Variants in TRAPPC6B observed in about 807,000 individuals in gnomAD.
TRAPPC6B encodes the protein TRAPP complex subunit 6B.
In TRAPPC6B, 27 loss-of-function variants were observed where a neutral mutation model predicts 24.7. That is an observed-to-expected ratio of 1.09 (90% confidence interval 0.81 to 1.51). TRAPPC6B has a LOEUF of 1.51. Among genes scored for constraint, TRAPPC6B ranks in the 40% most tolerant of loss-of-function variants. The probability of loss-of-function intolerance (pLI) is 0.00; values close to 1 mark genes in which losing one functional copy is unlikely to be tolerated. For synonymous variants in TRAPPC6B, 80 were observed against 66.6 expected, an observed-to-expected ratio of 1.20 and a Z score of -0.98; for missense variants, 212 against 190.8, an observed-to-expected ratio of 1.11 and a Z score of -0.66.
At chr14:39,161,172 G>C (rs996855604) in intron 1 of TRAPPC6B, among the ~76,000 whole-genome samples, 2 of 152,190 alleles carry the variant, frequency 1.3e-5, no homozygotes, top group African/African-American at 4.8e-5. Context: ...GTTATACTGT[G>C]GTTAAGGCTT....
rs2052897782 is a variant in TRAPPC6B, at chr14:39,150,369, A to G, written c.458T>C (p.Val153Ala). 2 of 1,583,072 alleles carry G rather than the reference A, an allele frequency of 1.3e-6. No individual in the cohort carries two copies. The highest frequency in any genetic ancestry group is 1.2e-5 in the South Asian group (1 of 85,662). The change falls in exon 6 of 6, where the codon GTG becomes GCG. Residue 153 changes from valine (V) to alanine (A), a missense_variant. Val to Ala is a moderately conservative substitution (Grantham distance 64). Transcript: ENST00000330149. The part of the protein sequence containing the change: ...VSSMPACKFQ[V>A]MIQKL ...TATGTTCTACAGCTTCTGTATCATC[A>G]CCTGAAATTTGCCTAAAAAAAAAAA...
chr14:39,157,209 CCTCA>C (rs2052992576), intron 3 of TRAPPC6B: 2 of 339,058 alleles, frequency 5.9e-6, no homozygotes, highest in Non-Finnish European at 1.1e-5. Context: ...CCAATATGGA[CCTCA>C]CTCACTTTGT....
At position 39,166,656 on chromosome 14, in the gene TRAPPC6B, T is replaced by G. The variant is rs142446468; in HGVS notation, c.81+3359A>C. 9.1e-4 allele frequency among the ~76,000 whole-genome samples: 139 copies of G among 152,320 alleles called. 2 individuals are homozygous for G. The highest frequency in any genetic ancestry group is 3.2e-3 in the African/African-American group (134 of 41,570). On this transcript the variant is annotated intron_variant, in intron 1 of 5. Coordinates refer to ENST00000330149, the MANE Select transcript of TRAPPC6B (RefSeq NM_001079537.2). The stretch of plus-strand genomic sequence containing the variant: ...TGAATTCTGCTAAAATGTAGGTAGT[T>G]AAATGATAATCAGACATTATTCTGG...
chr14:39,151,166 C>T lies in TRAPPC6B; in HGVS notation c.445+580G>A, dbSNP rs568068473. 3.9e-5 allele frequency among the ~76,000 whole-genome samples: 6 copies of T among 152,002 alleles called. No homozygotes were observed. The East Asian group carries it at 9.7e-4, about 25-fold the overall frequency. On this transcript the variant is annotated intron_variant, in intron 5 of 5. Coordinates refer to ENST00000330149, the MANE Select transcript of TRAPPC6B (RefSeq NM_001079537.2). ...CAGCACTTTGGGAGGCCGAGGCAGACGGATCACAAGGTCAGGAGATGGAGA... is the reference window on the plus strand; with the variant it reads ...CAGCACTTTGGGAGGCCGAGGCAGATGGATCACAAGGTCAGGAGATGGAGA...
Position 39,148,494 on chromosome 14 carries a change from G to A in TRAPPC6B, c.*1856C>T, listed in dbSNP as rs563778333. On this transcript the variant is annotated 3_prime_UTR_variant, in exon 6 of 6. Coordinates refer to ENST00000330149, the MANE Select transcript of TRAPPC6B (RefSeq NM_001079537.2). ...GCTTTGTCAGCAAGGAAGGGAGAAC[G>A]AAATGGCTGATGGGTAGGCATATGA... The A allele has an allele frequency of 2.8e-5, 11 of 393,042 alleles. No individual in the cohort carries two copies. The highest frequency in any genetic ancestry group is 4.5e-5 in the Non-Finnish European group (10 of 223,148). 24.3% of individuals were successfully genotyped at this position (393,042 alleles called of 1,614,324 possible).
chr14:39,165,832 C>A (rs752029360), intron 1 of TRAPPC6B, among the ~76,000 whole-genome samples: 1 of 151,450 alleles, frequency 6.6e-6, no homozygotes, highest in Non-Finnish European at 1.5e-5. Flanking sequence ...GAGACTGAGT[C>A]TTGCTCTGTC....
intron 1 of TRAPPC6B, 129 bp downstream of exon 1, chr14:39,169,886 G>A: frequency 1.3e-6 from 1 of 786,404 alleles, no homozygotes; most frequent in Non-Finnish European, 2.2e-6. Context: ...AGGACACCTG[G>A]AGGTGGACCA....
chr14:39,168,515 TTC>T (rs1450195077), intron 1 of TRAPPC6B, among the ~76,000 whole-genome samples: 2 of 145,986 alleles, frequency 1.4e-5, no homozygotes, highest in Non-Finnish European at 3.1e-5. Context: ...CTGCCTATCC[TTC>T]TTGTGCAAAC....
At chr14:39,169,941 G>C (rs908912916) in intron 1 of TRAPPC6B, 74 bp downstream of exon 1, 20 of 1,495,380 alleles carry the variant, frequency 1.3e-5, no homozygotes, top group Non-Finnish European at 1.8e-5. Context: ...TGGGACAGGG[G>C]TTGAAGGAAA....
rs764298069 is a variant in TRAPPC6B, at chr14:39,159,199, A to G, written c.149+284T>C. 110 of 184,566 alleles carry G rather than the reference A, an allele frequency of 6.0e-4. No homozygotes were observed. In the Middle Eastern group the frequency reaches 9.3e-3, roughly 16 times the overall value. 11.4% of individuals were successfully genotyped at this position (184,566 alleles called of 1,614,324 possible). On this transcript the variant is annotated intron_variant, in intron 2 of 5. Coordinates refer to ENST00000330149, the MANE Select transcript of TRAPPC6B (RefSeq NM_001079537.2). ...GATCTTAAGTTGAAAATGCAGTAAGATTTTAGATAGTTGCTTCAATAGCTT... is the reference window on the plus strand; with the variant it reads ...GATCTTAAGTTGAAAATGCAGTAAGGTTTTAGATAGTTGCTTCAATAGCTT...
In TRAPPC6B at chr14:39,151,856, T is replaced by A. The variant is rs142946910; in HGVS notation, c.352-17A>T. 2.4e-5 allele frequency: 36 copies of A among 1,518,034 alleles called. No homozygotes were observed. Among genetic ancestry groups the A allele is most frequent in the Non-Finnish European group, 3.1e-5 (34 of 1,113,038 alleles). 94.0% of individuals were successfully genotyped at this position (1,518,034 alleles called of 1,614,324 possible). On this transcript the variant is annotated splice_polypyrimidine_tract_variant and intron_variant, in intron 4 of 5. Transcript: ENST00000330149. ...TGCTAAATACTAAAAGGAAAAAAAA[T>A]CATTAAAAATAGTAAGGATTTACTA...
chr14:39,163,944 A>G (rs2053082555), intron 1 of TRAPPC6B, among the ~76,000 whole-genome samples: 1 of 150,796 alleles, frequency 6.6e-6, no homozygotes. Context: ...TAGTTACTCC[A>G]ACCAGAAAAC....
chr14:39,161,495 T>A (rs539085265), intron 1 of TRAPPC6B, among the ~76,000 whole-genome samples: 10 of 152,216 alleles, frequency 6.6e-5, no homozygotes, highest in Non-Finnish European at 1.5e-4. Flanking sequence ...AAAGACGGAA[T>A]GACTTAAGCA....
chr14:39,158,045 T>C (rs2053006166), intron 3 of TRAPPC6B, among the ~76,000 whole-genome samples: 1 of 152,224 alleles, frequency 6.6e-6, no homozygotes, highest in South Asian at 2.1e-4. Flanking sequence ...CTTATGCTAC[T>C]TTAAAAAACT....
intron 1 of TRAPPC6B, among the ~76,000 whole-genome samples, chr14:39,161,968 G>A (rs982380984): frequency 6.6e-6 from 1 of 152,142 alleles, no homozygotes; most frequent in African/African-American, 2.4e-5. Context: ...TTCTGGCAGC[G>A]TTAATAACCT....
At chr14:39,165,376 ATT>A (rs1594544841) in intron 1 of TRAPPC6B, among the ~76,000 whole-genome samples, 1 of 152,080 alleles carries the variant, frequency 6.6e-6, no homozygotes, top group Non-Finnish European at 1.5e-5. Context: ...CAAGTATTAC[ATT>A]CTCCCAGATG....
chr14:39,154,138 T>C lies in TRAPPC6B; in HGVS notation c.351+73A>G. 1.0e-5 allele frequency: 9 copies of C among 884,660 alleles called. 1 individual carries two copies. In the South Asian group the frequency reaches 1.4e-4, roughly 13 times the overall value. 54.8% of individuals were successfully genotyped at this position (884,660 alleles called of 1,614,324 possible). On this transcript the variant is annotated intron_variant, in intron 4 of 5. Transcript: ENST00000330149. Reference sequence around the variant, plus strand: ...AACATATTTTTAATTCAATAGTTTGTTATGATTAGCACTGTACTTTTCCCT... The same window carrying C: ...AACATATTTTTAATTCAATAGTTTGCTATGATTAGCACTGTACTTTTCCCT...
intron 4 of TRAPPC6B, among the ~76,000 whole-genome samples, chr14:39,152,097 C>T (rs1191628247): frequency 6.6e-6 from 1 of 152,144 alleles, no homozygotes; most frequent in African/African-American, 2.4e-5. Flanking sequence ...GACTCAGTGA[C>T]AAAAACAAGC....
At position 39,170,126 on chromosome 14, in the gene TRAPPC6B, T is replaced by G; in HGVS notation, c.-31A>C. 6.2e-7 allele frequency: 1 copy of G among 1,612,946 alleles called. No individual in the cohort carries two copies. The highest frequency in any genetic ancestry group is 8.5e-7 in the Non-Finnish European group (1 of 1,179,012). On this transcript the variant is annotated 5_prime_UTR_variant, in exon 1 of 6. Transcript: ENST00000330149. ...GCTAATTCTTCCAAGCTTCGAGTTT[T>G]GGCTCCCGTTTGAGCTGGTCTGGGG...
Sources: allele counts gnomAD v4.1 joint callset (sites outside exome capture counted in the v4.1 genomes callset), GRCh38; gene constraint gnomAD v4.1.1; transcripts MANE v1.5; gene names NCBI Gene and HGNC (gene_info 2026-07-23, HGNC 2026-07-21).